The following RUSC2 variants were observed in gnomAD, a reference collection of about 807,000 sequenced individuals.
RUSC2 encodes RUN and SH3 domain containing 2.
In RUSC2, 34 loss-of-function variants were observed where a neutral mutation model predicts 122.2. The observed-to-expected ratio is 0.28, with a 90% CI of 0.21 to 0.37. The LOEUF (loss-of-function observed/expected upper bound fraction) is 0.37. Among genes scored for constraint, RUSC2 ranks in the 10% least tolerant of loss-of-function variants. The probability of loss-of-function intolerance (pLI) is 1.00; values close to 1 mark genes in which losing one functional copy is unlikely to be tolerated. For missense variants in RUSC2, 1,747 were observed against 1,952.4 expected (o/e 0.89, Z 1.98); for synonymous variants, 784 against 790.0 (o/e 0.99, Z 0.13).
At chr9:35,549,289 T>C in intron 2 of RUSC2, 3 of 794,584 alleles carry the variant, frequency 3.8e-6, no homozygotes, top group Non-Finnish European at 4.5e-6. Flanking sequence ...TGGGCGTCAG[T>C]GAAGTTTTTT....
chr9:35,555,514 T>C lies in RUSC2; in HGVS notation c.2469T>C (p.Ser823=). ...CCCCATGGAGCCACTCCTGTCCTTC[T>C]GCTGTCCGGCCTGCCACCTCCCAGC... ...SLPPWSHSCP[S]AVRPATSQQP... is the part of the protein sequence containing the mutation. Residue 823 remains serine, a synonymous_variant, in exon 3 of 12, where the codon TCT becomes TCC. Coordinates refer to ENST00000361226, the MANE Select transcript of RUSC2 (RefSeq NM_014806.5). The surrounding 1 kb of genome is among the most constrained non-coding windows in gnomAD (Gnocchi z 4.6). The C allele has an allele frequency of 6.2e-7, 1 of 1,614,202 alleles. No individual in the cohort carries two copies. Among genetic ancestry groups the C allele is most frequent in the Non-Finnish European group, 8.5e-7 (1 of 1,180,034 alleles).
intron 1 of RUSC2, among the ~76,000 whole-genome samples, chr9:35,491,097 TAA>T (rs11308191): frequency 2.7e-3 from 381 of 142,432 alleles, no homozygotes; most frequent in African/African-American, 5.1e-3. Flanking sequence ...ACACAGGCCT[TAA>T]AAAAAAAAAA....
chr9:35,541,001 A>G (rs1457729923), intron 1 of RUSC2, among the ~76,000 whole-genome samples: 1 of 152,194 alleles, frequency 6.6e-6, no homozygotes, highest in African/African-American at 2.4e-5. Flanking sequence ...ATATAAATTA[A>G]TGGCACATAA....
intron 1 of RUSC2, among the ~76,000 whole-genome samples, chr9:35,514,256 G>A (rs985574320): frequency 1.3e-5 from 2 of 152,080 alleles, no homozygotes; most frequent in African/African-American, 4.8e-5. Context: ...CCTGGGAAGG[G>A]CCATTGGATT....
rs1821814880 is a variant in RUSC2 at position 35,548,325 on chromosome 9, T to A, written c.1804T>A (p.Leu602Met). The change falls in exon 2 of 12, where the codon TTG becomes ATG. Residue 602 changes from leucine (L) to methionine (M), a missense_variant. Leu to Met is a conservative substitution (Grantham distance 15). Coordinates refer to ENST00000361226, the MANE Select transcript of RUSC2 (RefSeq NM_014806.5). The surrounding 1 kb of genome is among the most constrained non-coding windows in gnomAD (Gnocchi z 4.5). ...TAGCCATAGCCTGCCACCCATGCCT[T>A]TGGGGCCAGGCATGGACCTACTTGG... Reference protein sequence around the residue: ...CCSHSLPPMPLGPGMDLLGPD... With the variant: ...CCSHSLPPMPMGPGMDLLGPD... 4 of 1,613,904 alleles carry A rather than the reference T, an allele frequency of 2.5e-6. No individual in the cohort carries two copies. Among genetic ancestry groups the A allele is most frequent in the Admixed American group, 3.3e-5 (2 of 60,008 alleles).
At chr9:35,550,967 G>T (rs1042361321) in intron 2 of RUSC2, among the ~76,000 whole-genome samples, 1 of 151,876 alleles carries the variant, frequency 6.6e-6, no homozygotes, top group Non-Finnish European at 1.5e-5. Context: ...TACATGGGAG[G>T]CTGAGGCAGG....
chr9:35,529,300 G>C (rs1821377223), intron 1 of RUSC2, among the ~76,000 whole-genome samples: 1 of 151,976 alleles, frequency 6.6e-6, no homozygotes, highest in South Asian at 2.1e-4. Flanking sequence ...GCCATGAGGA[G>C]TGCTGGGAAC....
At chr9:35,498,579 C>T (rs1466331222) in intron 1 of RUSC2, among the ~76,000 whole-genome samples, 2 of 151,728 alleles carry the variant, frequency 1.3e-5, no homozygotes, top group Admixed American at 6.6e-5. Flanking sequence ...GAAAAAGAGG[C>T]CAGGCGCGGT....
At position 35,558,495 on chromosome 9, in the gene RUSC2, A is replaced by G; in HGVS notation, c.3269A>G (p.Asn1090Ser). The change falls in exon 8 of 12, where the codon AAC (asparagine) becomes AGC (serine). Residue 1090 changes from asparagine (N) to serine (S), a missense_variant. Physicochemically the swap from Asn to Ser is conservative, Grantham distance 46. Coordinates refer to ENST00000361226, the MANE Select transcript of RUSC2 (RefSeq NM_014806.5). The surrounding 1 kb of genome is among the most constrained non-coding windows in gnomAD (Gnocchi z 4.3). Reference protein sequence around the residue: ...PSTKVLHGLYNKVSQFPELTS... With the variant: ...PSTKVLHGLYSKVSQFPELTS... Reference sequence around the variant, plus strand: ...ACCAAGGTCCTGCATGGCCTCTACAACAAAGTCAGCCAATTCCCAGAGCTC... The same window carrying G: ...ACCAAGGTCCTGCATGGCCTCTACAGCAAAGTCAGCCAATTCCCAGAGCTC... 6.2e-7 allele frequency: 1 copy of G among 1,614,088 alleles called. No homozygotes were observed. Among genetic ancestry groups the G allele is most frequent in the Non-Finnish European group, 8.5e-7 (1 of 1,180,014 alleles).
At chr9:35,514,141 G>T (rs1821061491) in intron 1 of RUSC2, among the ~76,000 whole-genome samples, 1 of 151,906 alleles carries the variant, frequency 6.6e-6, no homozygotes, top group African/African-American at 2.4e-5. Context: ...GGTAGACAGG[G>T]TTCCTGCCCC....
chr9:35,513,922 ATATATATATATATATATT>A (rs1304372230), intron 1 of RUSC2, among the ~76,000 whole-genome samples: 1 of 144,438 alleles, frequency 6.9e-6, no homozygotes, highest in African/African-American at 2.5e-5. Context: ...ATATATATAT[ATATATATATATATATATT>A]ACTTTATGTG....
At chr9:35,493,476 C>A (rs576844385) in intron 1 of RUSC2, among the ~76,000 whole-genome samples, 25 of 152,118 alleles carry the variant, frequency 1.6e-4, no homozygotes, top group African/African-American at 5.8e-4. Flanking sequence ...CACTTTATAG[C>A]CTGTATCAGA....
rs755142484 is a variant in RUSC2 at position 35,547,637 on chromosome 9, G to A, written c.1116G>A (p.Pro372=). Residue 372 remains proline (P), a synonymous_variant, in exon 2 of 12, where the codon CCG becomes CCA. Transcript: ENST00000361226. This position sits in a 1 kb window ranked among gnomAD's most constrained non-coding sequence, Gnocchi z 4.6. The part of the protein sequence containing the change: ...NCNSYRPHCE[P]CPAVADLTAC... ...ACTCCTACCGCCCACACTGTGAGCCGTGCCCAGCAGTGGCTGACCTCACAG... is the reference window on the plus strand; with the variant it reads ...ACTCCTACCGCCCACACTGTGAGCCATGCCCAGCAGTGGCTGACCTCACAG... 1.1e-5 allele frequency: 18 copies of A among 1,614,090 alleles called. No homozygotes were observed. Among genetic ancestry groups the A allele is most frequent in the South Asian group, 4.4e-5 (4 of 91,090 alleles).
At chr9:35,552,335 T>C (rs1032745359) in intron 2 of RUSC2, among the ~76,000 whole-genome samples, 7 of 152,270 alleles carry the variant, frequency 4.6e-5, no homozygotes, top group African/African-American at 1.4e-4. Flanking sequence ...CACTCCAGCA[T>C]GGGTGACAAA....
intron 1 of RUSC2, among the ~76,000 whole-genome samples, chr9:35,532,198 C>G (rs1400538408): frequency 6.6e-6 from 1 of 151,896 alleles, no homozygotes; most frequent in Non-Finnish European, 1.5e-5. Flanking sequence ...ATTTGGTTTT[C>G]GATATGTTGA....
In RUSC2 at chr9:35,555,137, G is replaced by A. The variant is rs761050069; in HGVS notation, c.2092G>A (p.Val698Met). The A allele has an allele frequency of 7.4e-6, 12 of 1,613,714 alleles. No homozygotes were observed. Among genetic ancestry groups the A allele is most frequent in the South Asian group, 3.3e-5 (3 of 91,060 alleles). ...AACCACACTGCCCATCCAGCCCTTC[G>A]TGTTCCAGCACCACTTCCCCAAGCA... ...RPTTLPIQPF[V>M]FQHHFPKQLA... Residue 698 changes from valine (V) to methionine (M), a missense_variant, in exon 3 of 12, where the codon GTG (valine) becomes ATG (methionine). Physicochemically the swap from Val to Met is conservative, Grantham distance 21. Transcript: ENST00000361226. The surrounding 1 kb of genome is among the most constrained non-coding windows in gnomAD (Gnocchi z 4.6).
At chr9:35,504,535 G>A (rs572216746) in intron 1 of RUSC2, among the ~76,000 whole-genome samples, 4 of 149,318 alleles carry the variant, frequency 2.7e-5, no homozygotes, top group Admixed American at 6.8e-5. Context: ...GCACAATCTC[G>A]GCTCACCGCA....
At chr9:35,539,958 A>G (rs1207049726) in intron 1 of RUSC2, among the ~76,000 whole-genome samples, 3 of 152,202 alleles carry the variant, frequency 2.0e-5, no homozygotes, top group Non-Finnish European at 4.4e-5. Flanking sequence ...ATCTTTATTC[A>G]GAAGGCCAAA....
intron 1 of RUSC2, among the ~76,000 whole-genome samples, chr9:35,524,623 T>C (rs1339367065): frequency 6.6e-6 from 1 of 152,184 alleles, no homozygotes; most frequent in Non-Finnish European, 1.5e-5. Context: ...CCCAGACTCC[T>C]ATTTTATGTT....
Sources: allele counts gnomAD v4.1 joint callset (sites outside exome capture counted in the v4.1 genomes callset), GRCh38; gene constraint gnomAD v4.1.1; non-coding constraint Gnocchi (gnomAD v3.1); transcripts MANE v1.5; gene names NCBI Gene and HGNC (gene_info 2026-07-23, HGNC 2026-07-21).